Variants in DEPTOR observed in about 807,000 individuals in gnomAD.
DEPTOR encodes DEP domain containing MTOR interacting protein.
DEPTOR carries 41 observed loss-of-function variants against 41.6 expected under a neutral mutation model. The ratio of observed to expected loss-of-function variants is 0.98; its 90% CI spans 0.77 to 1.28. The LOEUF is 1.28. DEPTOR is among the 50% of genes most tolerant of loss of function. The pLI is 0.00. For synonymous variants in DEPTOR, 195 were observed against 192.3 expected, an observed-to-expected ratio of 1.01 and a Z score of -0.12; for missense variants, 514 against 527.9, an observed-to-expected ratio of 0.97 and a Z score of 0.26.
At chr8:120,005,475 T>A (rs1343297701) in intron 6 of DEPTOR, among the ~76,000 whole-genome samples, 1 of 152,218 alleles carries the variant, frequency 6.6e-6, no homozygotes, top group Admixed American at 6.5e-5. Context: ...AGCTGCCTGG[T>A]AGATCATCAC....
chr8:119,923,893 C>CATTTT (rs1827929872), intron 1 of DEPTOR, among the ~76,000 whole-genome samples: 1 of 104,980 alleles, frequency 9.5e-6, no homozygotes. Flanking sequence ...TTTTTTCTTT[C>CATTTT]TTTTTTTTTT....
chr8:120,030,173 G>T (rs1232595748), intron 8 of DEPTOR, among the ~76,000 whole-genome samples: 1 of 152,116 alleles, frequency 6.6e-6, no homozygotes, highest in Non-Finnish European at 1.5e-5. Context: ...TACTATGGCG[G>T]ACCCTCATCT....
chr8:120,045,088 C>T (rs894465668), intron 8 of DEPTOR, among the ~76,000 whole-genome samples: 1 of 152,176 alleles, frequency 6.6e-6, no homozygotes, highest in African/African-American at 2.4e-5. Flanking sequence ...CTCTATACCC[C>T]TAGAGATGTG....
chr8:119,981,104 A>G (rs906975399), intron 4 of DEPTOR, among the ~76,000 whole-genome samples: 6 of 152,212 alleles, frequency 3.9e-5, no homozygotes, highest in East Asian at 3.8e-4. Context: ...GTCTGACTCC[A>G]GAATCCAAGT....
At chr8:119,908,806 G>C (rs1827701928) in intron 1 of DEPTOR, among the ~76,000 whole-genome samples, 1 of 152,212 alleles carries the variant, frequency 6.6e-6, no homozygotes, top group African/African-American at 2.4e-5. Flanking sequence ...TGTGTAATCA[G>C]TGGGAAAATT....
chr8:119,996,681 C>G (rs1328145979), intron 4 of DEPTOR, among the ~76,000 whole-genome samples: 1 of 152,126 alleles, frequency 6.6e-6, no homozygotes, highest in Non-Finnish European at 1.5e-5. Flanking sequence ...AAAATAATCT[C>G]AAAGTACTTT....
chr8:119,928,316 T>C (rs977037891), intron 1 of DEPTOR, 84 bp from the exon 2 acceptor site: 2 of 1,431,098 alleles, frequency 1.4e-6, no homozygotes, highest in African/African-American at 2.9e-5. Context: ...TTAGAACTTC[T>C]GTTATGTTAT....
intron 8 of DEPTOR, among the ~76,000 whole-genome samples, chr8:120,012,018 G>C (rs1024479444): frequency 3.3e-5 from 5 of 151,886 alleles, no homozygotes; most frequent in South Asian, 2.1e-4. Context: ...CCCCCTCTTA[G>C]AAATTTACAA....
At chr8:120,000,336 C>T (rs1359774108) in intron 4 of DEPTOR, among the ~76,000 whole-genome samples, 3 of 152,120 alleles carry the variant, frequency 2.0e-5, no homozygotes, top group African/African-American at 7.2e-5. Context: ...CTGGCAACCA[C>T]CAGTATACTT....
intron 4 of DEPTOR, among the ~76,000 whole-genome samples, chr8:119,994,845 G>GCGCT (rs891344140): frequency 6.6e-6 from 1 of 150,966 alleles, no homozygotes; most frequent in Non-Finnish European, 1.5e-5. Context: ...TGAACTCAGC[G>GCGCT]GGTGGAGGTT....
intron 1 of DEPTOR, among the ~76,000 whole-genome samples, chr8:119,884,227 TC>T: frequency 6.6e-6 from 1 of 152,070 alleles, no homozygotes; most frequent in Non-Finnish European, 1.5e-5. Context: ...CTCACTAATT[TC>T]TGTATTTTCA....
intron 4 of DEPTOR, among the ~76,000 whole-genome samples, chr8:119,973,654 C>T (rs751325655): frequency 2.0e-5 from 3 of 152,238 alleles, no homozygotes; most frequent in Non-Finnish European, 4.4e-5. Flanking sequence ...GGGTAAATTG[C>T]TCACAGCTGC....
intron 1 of DEPTOR, among the ~76,000 whole-genome samples, chr8:119,891,690 A>G (rs893958981): frequency 1.3e-5 from 2 of 152,156 alleles, no homozygotes; most frequent in Non-Finnish European, 2.9e-5. Flanking sequence ...CTCTCAACAT[A>G]TGACTGAAGT....
chr8:119,890,878 T>C (rs957664243), intron 1 of DEPTOR, among the ~76,000 whole-genome samples: 8 of 152,112 alleles, frequency 5.3e-5, no homozygotes, highest in African/African-American at 1.9e-4. Flanking sequence ...CTGTAAAATA[T>C]CAAGAAGTAA....
intron 8 of DEPTOR, among the ~76,000 whole-genome samples, chr8:120,046,657 A>G (rs1217098672): frequency 1.3e-5 from 2 of 152,170 alleles, no homozygotes; most frequent in East Asian, 1.9e-4. Context: ...GAGTCTCACT[A>G]TGTTGTCCAG....
intron 6 of DEPTOR, among the ~76,000 whole-genome samples, chr8:120,003,906 TTGCCAGGATGAGGA>T (rs1812393799): frequency 1.3e-5 from 2 of 152,180 alleles, no homozygotes; most frequent in Admixed American, 6.5e-5. Flanking sequence ...ATGTCCTCAC[TTGCCAGGATGAGGA>T]TGTGTGGTCC....
rs1199297294 is a variant in DEPTOR at position 119,935,998 on chromosome 8, TG to T, written c.425+6061del. On this transcript the variant is annotated intron_variant, in intron 3 of 8. Coordinates refer to ENST00000286234, the MANE Select transcript of DEPTOR (RefSeq NM_022783.4). The stretch of plus-strand genomic sequence containing the variant: ...TGGTTCATAGACACATTAGTCTAGT[TG>T]TTTTTTTTTTTTTTTTTTTTATCCA... Among the ~76,000 whole-genome samples, 301 of 116,680 alleles carry T rather than the reference TG, an allele frequency of 2.6e-3. 3 individuals carry two copies. Among genetic ancestry groups the T allele is most frequent in the African/African-American group, 9.9e-3 (278 of 28,006 alleles). 76.5% of individuals were successfully genotyped at this position (116,680 alleles called of 152,430 possible).
chr8:120,010,191 C>T (rs1356036644), intron 8 of DEPTOR, among the ~76,000 whole-genome samples: 1 of 149,018 alleles, frequency 6.7e-6, no homozygotes, highest in Non-Finnish European at 1.5e-5. Flanking sequence ...TACTATTTCC[C>T]GTTGTTTTAT....
At chr8:120,038,966 G>T (rs906244277) in intron 8 of DEPTOR, among the ~76,000 whole-genome samples, 1 of 152,210 alleles carries the variant, frequency 6.6e-6, no homozygotes, top group Non-Finnish European at 1.5e-5. Context: ...TTATAGCACT[G>T]CCCATGCTGA....
Sources: gnomAD v4.1 joint callset for allele counts (sites outside exome capture counted in the v4.1 genomes callset) on GRCh38, gnomAD v4.1.1 for gene constraint, MANE v1.5 for transcripts, NCBI Gene and HGNC (gene_info 2026-07-23, HGNC 2026-07-21) for gene names.